Variants in ACTR2 observed in about 807,000 individuals in gnomAD.
ACTR2 encodes actin related protein 2.
In ACTR2, 5 loss-of-function variants were observed where a neutral mutation model predicts 50.2. The ratio of observed to expected loss-of-function variants is 0.10; its 90% CI spans 0.05 to 0.21. ACTR2 has a LOEUF of 0.21. ACTR2 is among the 10% of genes least tolerant of loss of function. ACTR2 has a pLI of 1.00. For missense variants in ACTR2, 180 were observed against 480.6 expected (o/e 0.37, Z 5.85); for synonymous variants, 140 against 162.9 (o/e 0.86, Z 1.07).
chr2:65,253,871 G>T lies in ACTR2; in HGVS notation c.585+7G>T. The T allele has an allele frequency of 6.2e-7, 1 of 1,605,712 alleles. No homozygotes were observed. Among genetic ancestry groups the T allele is most frequent in the South Asian group, 1.1e-5 (1 of 90,390 alleles). On this transcript the variant is annotated splice_region_variant and intron_variant, in intron 5 of 8. Transcript: ENST00000260641. ...AACTAGATATCTTATCAAGGTAAGTGAAAGGAAAATATCATGGAAATTAAA... is the reference window on the plus strand; with the variant it reads ...AACTAGATATCTTATCAAGGTAAGTTAAAGGAAAATATCATGGAAATTAAA...
Position 65,239,885 on chromosome 2 carries a change from C to G in ACTR2, c.82C>G (p.Pro28Ala). ...GTGTGGATATGCAGGCTCTAACTTTCCAGAACACATCTTCCCAGCTTTGGT... is the reference window on the plus strand; with the variant it reads ...GTGTGGATATGCAGGCTCTAACTTTGCAGAACACATCTTCCCAGCTTTGGT... ...VKCGYAGSNF[P>A]EHIFPALVGR... is the part of the protein sequence containing the mutation. The change falls in exon 2 of 9, where the codon CCA (proline) becomes GCA (alanine). Residue 28 changes from proline (P) to alanine (A), a missense_variant. By Grantham distance (27) the Pro-to-Ala change is conservative. Coordinates refer to ENST00000260641, the MANE Select transcript of ACTR2 (RefSeq NM_005722.4). 1 of 1,613,078 alleles carries G rather than the reference C, an allele frequency of 6.2e-7. No homozygotes were observed. Among genetic ancestry groups the G allele is most frequent in the Non-Finnish European group, 8.5e-7 (1 of 1,179,436 alleles).
At chr2:65,229,562 G>C (rs1310065841) in intron 1 of ACTR2, among the ~76,000 whole-genome samples, 5 of 151,762 alleles carry the variant, frequency 3.3e-5, no homozygotes, top group Non-Finnish European at 5.9e-5. Flanking sequence ...TTGAGACCAG[G>C]CTGGCCAACA....
intron 1 of ACTR2, chr2:65,228,536 G>T (rs1671576668): frequency 6.6e-6 from 1 of 151,750 alleles, no homozygotes; most frequent in African/African-American, 2.4e-5. Context: ...GGTCCAGATC[G>T]GCAGCGCATC....
At chr2:65,233,792 G>A (rs940580555) in intron 1 of ACTR2, among the ~76,000 whole-genome samples, 1 of 152,076 alleles carries the variant, frequency 6.6e-6, no homozygotes. Flanking sequence ...TGTACTTTTA[G>A]TAGAGATGGG....
intron 6 of ACTR2, among the ~76,000 whole-genome samples, chr2:65,256,874 T>TA (rs57631144): frequency 8.4e-4 from 113 of 134,264 alleles, no homozygotes; most frequent in East Asian, 1.7e-3. Flanking sequence ...TCCATGTCGG[T>TA]AAAAAAAAAA....
Position 65,261,239 on chromosome 2 carries a change from G to A in ACTR2, c.736-8G>A, listed in dbSNP as rs1672262608. 6.2e-7 allele frequency: 1 copy of A among 1,613,642 alleles called. No individual in the cohort carries two copies. Among genetic ancestry groups the A allele is most frequent in the East Asian group, 2.2e-5 (1 of 44,852 alleles). ...GCTGATTAGTACCTGATTATTCTTG[G>A]TTTCTAGCTCCCAGATGGACGTATC... On this transcript the variant is annotated splice_polypyrimidine_tract_variant and splice_region_variant and intron_variant, in intron 6 of 8. Coordinates refer to ENST00000260641, the MANE Select transcript of ACTR2 (RefSeq NM_005722.4).
chr2:65,252,373 G>A (rs1024624537), intron 4 of ACTR2, among the ~76,000 whole-genome samples: 15 of 152,102 alleles, frequency 9.9e-5, no homozygotes, highest in Non-Finnish European at 1.9e-4. Flanking sequence ...GGGTGTGGTG[G>A]CTCACGCCTG....
intron 6 of ACTR2, among the ~76,000 whole-genome samples, chr2:65,257,598 C>G (rs1672175659): frequency 6.6e-6 from 1 of 152,200 alleles, no homozygotes; most frequent in Non-Finnish European, 1.5e-5. Context: ...TCTCCATATC[C>G]TCTCCAGCAT....
At position 65,268,842 on chromosome 2, in the gene ACTR2, T is replaced by G; in HGVS notation, c.*108T>G. The stretch of plus-strand genomic sequence containing the variant: ...CATGGAAGAGGCCTCTCTCTGCCCT[T>G]TGACTGGAAAGGTCAAGTTTTATTC... On this transcript the variant is annotated 3_prime_UTR_variant, in exon 9 of 9. Coordinates refer to ENST00000260641, the MANE Select transcript of ACTR2 (RefSeq NM_005722.4). 8.1e-7 allele frequency: 1 copy of G among 1,231,078 alleles called. No homozygotes were observed. Among genetic ancestry groups the G allele is most frequent in the Non-Finnish European group, 1.1e-6 (1 of 881,000 alleles). 76.3% of individuals were successfully genotyped at this position (1,231,078 alleles called of 1,614,324 possible).
At chr2:65,253,939 CGTT>C (rs1672101084) in intron 5 of ACTR2, 75 bp downstream of exon 5, 1 of 1,302,668 alleles carries the variant, frequency 7.7e-7, no homozygotes, top group East Asian at 2.4e-5. Context: ...TTGAATCTAT[CGTT>C]TTAGGATTCC....
intron 3 of ACTR2, among the ~76,000 whole-genome samples, chr2:65,248,412 A>AG (rs1227987272): frequency 6.6e-6 from 1 of 151,908 alleles, no homozygotes; most frequent in Non-Finnish European, 1.5e-5. Context: ...AAAGAAAAAA[A>AG]GGGAATTGGG....
Position 65,253,825 on chromosome 2 carries a change from G to A in ACTR2, c.546G>A (p.Leu182=). 6.2e-7 allele frequency: 1 copy of A among 1,613,012 alleles called. No individual in the cohort carries two copies. The highest frequency in any genetic ancestry group is 8.5e-7 in the Non-Finnish European group (1 of 1,179,072). ...CTCTCCCTCATCTTACCAGGAGACT[G>A]GATATTGCTGGGAGGGATATAACTA... ...GFSLPHLTRR[L]DIAGRDITRY... Residue 182 remains leucine (L), a synonymous_variant, in exon 5 of 9, where the codon CTG becomes CTA. Transcript: ENST00000260641.
chr2:65,230,532 C>T (rs1671615748), intron 1 of ACTR2, among the ~76,000 whole-genome samples: 1 of 151,184 alleles, frequency 6.6e-6, no homozygotes, highest in Non-Finnish European at 1.5e-5. Flanking sequence ...CTGCTTCAGC[C>T]TCCCGAGTAG....
intron 6 of ACTR2, among the ~76,000 whole-genome samples, chr2:65,260,761 G>A (rs1263734187): frequency 1.9e-4 from 26 of 137,702 alleles, no homozygotes; most frequent in Admixed American, 6.3e-4. Flanking sequence ...ATGGAGTCTC[G>A]CTCTATTGCC....
intron 2 of ACTR2, among the ~76,000 whole-genome samples, chr2:65,245,506 C>G (rs1023970730): frequency 6.6e-6 from 1 of 152,066 alleles, no homozygotes; most frequent in Non-Finnish European, 1.5e-5. Flanking sequence ...GGCAGTAGAG[C>G]GAGACTCAGT....
At chr2:65,266,955 A>G (rs946740423) in intron 8 of ACTR2, among the ~76,000 whole-genome samples, 20 of 152,304 alleles carry the variant, frequency 1.3e-4, no homozygotes, top group African/African-American at 4.3e-4. Flanking sequence ...ATCTGATAGA[A>G]TGAGTTTCAG....
intron 7 of ACTR2, among the ~76,000 whole-genome samples, chr2:65,262,992 TA>T (rs11412556): frequency 5.5e-5 from 8 of 146,020 alleles, no homozygotes; most frequent in African/African-American, 1.3e-4. Context: ...AGAAAGTTCC[TA>T]AAAAAAAAAC....
intron 5 of ACTR2, 96 bp downstream of exon 5, chr2:65,253,960 C>G: frequency 2.0e-6 from 2 of 1,016,652 alleles, no homozygotes; most frequent in Non-Finnish European, 2.9e-6. Flanking sequence ...TCCAGCAAAT[C>G]TGTACCACTA....
At chr2:65,234,031 C>A (rs1671687485) in intron 1 of ACTR2, among the ~76,000 whole-genome samples, 1 of 152,108 alleles carries the variant, frequency 6.6e-6, no homozygotes, top group Non-Finnish European at 1.5e-5. Context: ...CCACCTCAGC[C>A]TCCCGAGTTT....
Sources: allele counts gnomAD v4.1 joint callset (sites outside exome capture counted in the v4.1 genomes callset), GRCh38; gene constraint gnomAD v4.1.1; transcripts MANE v1.5; gene names NCBI Gene and HGNC (gene_info 2026-07-23, HGNC 2026-07-21).